The following CDK8 variants were observed in gnomAD, a reference collection of about 807,000 sequenced individuals.
CDK8 encodes the protein cyclin dependent kinase 8.
CDK8 carries 29 observed loss-of-function variants against 71.5 expected under a neutral mutation model. That is an observed-to-expected ratio of 0.41 (90% CI 0.30 to 0.55). The LOEUF (loss-of-function observed/expected upper bound fraction) is 0.55. CDK8 is among the 20% of genes least tolerant of loss of function. The pLI is 0.37. For missense variants in CDK8, 288 were observed against 572.6 expected (o/e 0.50, Z 5.07); for synonymous variants, 161 against 192.1 (o/e 0.84, Z 1.34).
At chr13:26,323,056 C>T (rs894231271) in intron 1 of CDK8, among the ~76,000 whole-genome samples, 15 of 151,924 alleles carry the variant, frequency 9.9e-5, no homozygotes, top group Non-Finnish European at 1.6e-4. Context: ...AAATACTGCT[C>T]GATGCATGGC....
intron 4 of CDK8, among the ~76,000 whole-genome samples, chr13:26,361,068 T>TG (rs1874117501): frequency 6.6e-6 from 1 of 152,224 alleles, no homozygotes; most frequent in African/African-American, 2.4e-5. Flanking sequence ...CCTTTTCCTA[T>TG]GTGTTCTGAT....
intron 1 of CDK8, among the ~76,000 whole-genome samples, chr13:26,273,158 T>G (rs147437259): frequency 1.3e-3 from 195 of 152,352 alleles, no homozygotes; most frequent in African/African-American, 3.7e-3. Flanking sequence ...GGATATACAG[T>G]TGTCCCAGCC....
intron 6 of CDK8, 42 bp downstream of exon 6, chr13:26,385,384 T>G (rs1362899541): frequency 1.3e-5 from 19 of 1,498,248 alleles, no homozygotes; most frequent in Admixed American, 6.3e-5. Flanking sequence ...TTTAAAAGTT[T>G]CTTTAAAAGA....
chr13:26,367,089 A>G (rs1874425363), intron 4 of CDK8, among the ~76,000 whole-genome samples: 2 of 152,220 alleles, frequency 1.3e-5, no homozygotes, highest in Admixed American at 1.3e-4. Flanking sequence ...AGGTAGAGTC[A>G]GAAATTTGGA....
intron 1 of CDK8, among the ~76,000 whole-genome samples, chr13:26,322,139 G>C (rs1302200082): frequency 6.6e-6 from 1 of 152,046 alleles, no homozygotes. Flanking sequence ...AAAGTTAGTG[G>C]CAATGATGTT....
chr13:26,397,279 C>G, intron 9 of CDK8, 54 bp downstream of exon 9: 2 of 1,125,530 alleles, frequency 1.8e-6, no homozygotes, highest in East Asian at 4.8e-5. Context: ...AATTGACTAG[C>G]CCAACTGAGG....
chr13:26,296,710 A>T (rs1410519077), intron 1 of CDK8, among the ~76,000 whole-genome samples: 1 of 152,222 alleles, frequency 6.6e-6, no homozygotes, highest in East Asian at 1.9e-4. Flanking sequence ...TTTATAACTT[A>T]TCAAGGATGA....
chr13:26,257,408 T>G (rs1593220340), intron 1 of CDK8, among the ~76,000 whole-genome samples: 1 of 152,224 alleles, frequency 6.6e-6, no homozygotes, highest in East Asian at 1.9e-4. Context: ...GATTCATTTC[T>G]TTGACTTACT....
chr13:26,269,778 A>C (rs966980968), intron 1 of CDK8, among the ~76,000 whole-genome samples: 58 of 152,260 alleles, frequency 3.8e-4, no homozygotes, highest in Admixed American at 6.5e-5. Flanking sequence ...ATGTAGTGCA[A>C]TTAGGTTTTT....
intron 1 of CDK8, among the ~76,000 whole-genome samples, chr13:26,297,965 G>A (rs528676596): frequency 6.6e-6 from 1 of 152,044 alleles, no homozygotes; most frequent in Non-Finnish European, 1.5e-5. Context: ...AGGCGGGAGA[G>A]CTCTCTGGAG....
chr13:26,393,523 C>A lies in CDK8; in HGVS notation c.790+13C>A. On this transcript the variant is annotated intron_variant, in intron 7 of 12. Transcript: ENST00000381527. ...GGATTTCCTGCAGGTACACATTATT[C>A]GTTTTTGTTTTTGTTTTTAAATCAC... 1 of 1,610,992 alleles carries A rather than the reference C, an allele frequency of 6.2e-7. No homozygotes were observed. The highest frequency in any genetic ancestry group is 1.1e-5 in the South Asian group (1 of 90,672).
At chr13:26,369,709 C>CTTTTTT (rs36116401) in intron 4 of CDK8, among the ~76,000 whole-genome samples, 6 of 95,366 alleles carry the variant, frequency 6.3e-5, no homozygotes, top group East Asian at 6.3e-4. Flanking sequence ...TTCTTTCTTT[C>CTTTTTT]TTTTTTTTTT....
chr13:26,348,281 G>A (rs1048436731), intron 2 of CDK8, among the ~76,000 whole-genome samples: 3 of 152,158 alleles, frequency 2.0e-5, no homozygotes, highest in Non-Finnish European at 2.9e-5. Flanking sequence ...GAAAAAGGCG[G>A]TGGGATTATT....
intron 3 of CDK8, among the ~76,000 whole-genome samples, chr13:26,349,546 A>G (rs1012427190): frequency 6.6e-6 from 1 of 152,234 alleles, no homozygotes; most frequent in African/African-American, 2.4e-5. Flanking sequence ...TAAAGGGAAC[A>G]TAAAATGAGA....
rs192046913 is a variant in CDK8, at chr13:26,319,971, A to C, written c.129-17596A>C. On this transcript the variant is annotated intron_variant, in intron 1 of 12. Transcript: ENST00000381527. ...GGATGCTAAGGCCATTTAATGGGGAAAGGACAGCCCTTTCAACAAACGGTA... is the reference window on the plus strand; with the variant it reads ...GGATGCTAAGGCCATTTAATGGGGACAGGACAGCCCTTTCAACAAACGGTA... Among the ~76,000 whole-genome samples, 4 of 152,278 alleles carry C rather than the reference A, an allele frequency of 2.6e-5. No homozygotes were observed. In the East Asian group the frequency reaches 5.8e-4, roughly 22 times the overall value.
intron 1 of CDK8, among the ~76,000 whole-genome samples, chr13:26,336,434 T>C (rs899767280): frequency 6.6e-6 from 1 of 151,876 alleles, no homozygotes. Context: ...TTGATAGATA[T>C]AATAAACCAA....
chr13:26,271,807 T>C (rs1247579366), intron 1 of CDK8, among the ~76,000 whole-genome samples: 1 of 21,070 alleles, frequency 4.7e-5, no homozygotes, highest in South Asian at 1.9e-3. Flanking sequence ...AGACCCTGTC[T>C]TTTTTTTTTT....
chr13:26,375,959 C>T lies in CDK8; in HGVS notation c.457-6855C>T, dbSNP rs368388060. Reference sequence around the variant, plus strand: ...AATTTTACACTGGCAATGGGAACATCGTTAGGGTTACTGCCAAAAAAGTAG... The same window carrying T: ...AATTTTACACTGGCAATGGGAACATTGTTAGGGTTACTGCCAAAAAAGTAG... On this transcript the variant is annotated intron_variant, in intron 4 of 12. Transcript: ENST00000381527. Among the ~76,000 whole-genome samples the T allele has an allele frequency of 2.6e-5, 4 of 152,180 alleles. No homozygotes were observed. In the East Asian group the frequency reaches 5.8e-4, roughly 22 times the overall value.
At chr13:26,332,782 A>G (rs1801996266) in intron 1 of CDK8, among the ~76,000 whole-genome samples, 1 of 152,028 alleles carries the variant, frequency 6.6e-6, no homozygotes, top group African/African-American at 2.4e-5. Flanking sequence ...ATTTTTATCA[A>G]ATTTCTTAAG....
Sources: allele counts gnomAD v4.1 joint callset (sites outside exome capture counted in the v4.1 genomes callset), GRCh38; gene constraint gnomAD v4.1.1; transcripts MANE v1.5; gene names NCBI Gene and HGNC (gene_info 2026-07-23, HGNC 2026-07-21).